The following CLTA variants were observed in gnomAD, a reference collection of about 807,000 sequenced individuals.
CLTA encodes the protein clathrin light chain A, also known as clathrin, light polypeptide (Lca).
Under a neutral mutation model 26.9 loss-of-function variants are expected in CLTA, and 9 were observed. The ratio of observed to expected loss-of-function variants is 0.33; its 90% CI spans 0.20 to 0.58. The LOEUF is 0.58. CLTA is among the 20% of genes least tolerant of loss of function. The probability of loss-of-function intolerance (pLI) is 0.85; values close to 1 mark genes in which losing one functional copy is unlikely to be tolerated. For synonymous variants in CLTA, 120 were observed against 115.5 expected (o/e 1.04, Z -0.25); for missense variants, 278 against 294.2 (o/e 0.94, Z 0.40).
At chr9:36,193,948 A>T (rs981653738) in intron 1 of CLTA, among the ~76,000 whole-genome samples, 3 of 152,186 alleles carry the variant, frequency 2.0e-5, no homozygotes, top group African/African-American at 2.4e-5. Flanking sequence ...GCTGTTGAAA[A>T]GCTCTCAATC....
At chr9:36,210,536 G>A (rs751999559) in intron 4 of CLTA, 9 of 1,601,760 alleles carry the variant, frequency 5.6e-6, no homozygotes, top group South Asian at 2.3e-5. Flanking sequence ...GGCATGTCCA[G>A]CTTACTGACC....
chr9:36,208,345 GC>G (rs1355519309), intron 4 of CLTA, among the ~76,000 whole-genome samples: 2 of 152,320 alleles, frequency 1.3e-5, no homozygotes, highest in Non-Finnish European at 2.9e-5. Flanking sequence ...CTGTCTGAGA[GC>G]CCTGCCATGT....
intron 1 of CLTA, among the ~76,000 whole-genome samples, chr9:36,196,678 T>C (rs1827065800): frequency 6.6e-6 from 1 of 152,148 alleles, no homozygotes; most frequent in Non-Finnish European, 1.5e-5. Context: ...CCAAGAAATT[T>C]ATTACAGAGG....
chr9:36,197,147 C>T (rs1266457631), intron 1 of CLTA, among the ~76,000 whole-genome samples: 1 of 152,194 alleles, frequency 6.6e-6, no homozygotes, highest in Non-Finnish European at 1.5e-5. Flanking sequence ...TTTGCTCCAG[C>T]CTGGGCGACA....
chr9:36,198,887 A>C (rs1827228210), intron 2 of CLTA, 92 bp from the exon 3 acceptor site: 3 of 838,466 alleles, frequency 3.6e-6, no homozygotes, highest in South Asian at 1.6e-5. Flanking sequence ...AAAAAAAAAA[A>C]AAAAACAGAA....
chr9:36,210,281 C>T (rs1404071779), intron 4 of CLTA, among the ~76,000 whole-genome samples: 1 of 152,128 alleles, frequency 6.6e-6, no homozygotes, highest in Non-Finnish European at 1.5e-5. Context: ...TCTGTAGAGC[C>T]TCTCAGGGCC....
intron 1 of CLTA, among the ~76,000 whole-genome samples, chr9:36,196,349 T>A (rs1185070588): frequency 6.0e-5 from 9 of 149,832 alleles, no homozygotes; most frequent in African/African-American, 1.5e-4. Context: ...TTTCTTTTTT[T>A]TTTTTTTTAT....
chr9:36,203,341 A>G (rs1563914177), intron 3 of CLTA, among the ~76,000 whole-genome samples: 1 of 152,114 alleles, frequency 6.6e-6, no homozygotes, highest in Non-Finnish European at 1.5e-5. Context: ...TACCCCCTGC[A>G]CTTCTCTCCA....
chr9:36,196,398 G>C (rs1304191602), intron 1 of CLTA, among the ~76,000 whole-genome samples: 2 of 145,944 alleles, frequency 1.4e-5, no homozygotes, highest in Non-Finnish European at 3.0e-5. Flanking sequence ...CCAGGCTGGA[G>C]TGCAGTGGCG....
At chr9:36,205,356 T>G (rs1447682433) in intron 4 of CLTA, among the ~76,000 whole-genome samples, 1 of 152,098 alleles carries the variant, frequency 6.6e-6, no homozygotes. Flanking sequence ...ATCAGCTACG[T>G]GGGGCTGTTG....
chr9:36,210,685 C>G (rs1028044584), intron 4 of CLTA: 1 of 1,613,912 alleles, frequency 6.2e-7, no homozygotes, highest in Non-Finnish European at 8.5e-7. Flanking sequence ...TCTCACTGCC[C>G]CTAACTGTGT....
At chr9:36,210,960 A>C (rs377482743) in intron 4 of CLTA, among the ~76,000 whole-genome samples, 2 of 152,142 alleles carry the variant, frequency 1.3e-5, no homozygotes, top group African/African-American at 4.8e-5. Flanking sequence ...CCAAAAAGCA[A>C]CTCACGTTGG....
intron 2 of CLTA, among the ~76,000 whole-genome samples, 167 bp from the exon 3 acceptor site, chr9:36,198,812 G>A (rs550631246): frequency 6.6e-6 from 1 of 150,402 alleles, no homozygotes; most frequent in South Asian, 2.1e-4. Context: ...GGTGGAGGTT[G>A]CAGTGAGCCG....
At chr9:36,209,161 CAG>C in intron 4 of CLTA, 1 of 1,398,878 alleles carries the variant, frequency 7.1e-7, no homozygotes, top group East Asian at 2.3e-5. Flanking sequence ...AGCAGCTCCT[CAG>C]AGCACAGTTG....
At chr9:36,198,158 G>A (rs921174520) in intron 2 of CLTA, among the ~76,000 whole-genome samples, 22 of 151,678 alleles carry the variant, frequency 1.5e-4, no homozygotes, top group African/African-American at 5.3e-4. Flanking sequence ...CACCACGCCC[G>A]GCTAATTTTT....
intron 1 of CLTA, 43 bp downstream of exon 1, chr9:36,191,316 A>G: frequency 6.8e-7 from 1 of 1,472,620 alleles, no homozygotes; most frequent in South Asian, 1.3e-5. Flanking sequence ...CTTGTCTGGA[A>G]ACTCGGTCCA....
chr9:36,206,751 T>A (rs1275177086), intron 4 of CLTA, among the ~76,000 whole-genome samples: 3 of 151,902 alleles, frequency 2.0e-5, no homozygotes, highest in Non-Finnish European at 4.4e-5. Flanking sequence ...GAAAATTAAC[T>A]GGGTGTGGTG....
rs1332842760 is a variant in CLTA at position 36,191,290 on chromosome 9, G to T, written c.217+17G>T. ...GGGGTCCGGGTGAGAGTGCGGGCGC[G>T]TTTGGGGCGAGAGGACTTGTCTGGA... On this transcript the variant is annotated intron_variant, in intron 1 of 4. Transcript: ENST00000345519. 1.4e-5 allele frequency: 21 copies of T among 1,497,740 alleles called. 1 individual carries two copies. The Admixed American group carries it at 3.3e-4, about 23-fold the overall frequency. 92.8% of individuals were successfully genotyped at this position (1,497,740 alleles called of 1,614,324 possible). A position where few individuals can be genotyped will look rare whatever the true frequency, so the allele number is the denominator to read the frequency against.
chr9:36,210,497 A>G, intron 4 of CLTA: 1 of 1,471,926 alleles, frequency 6.8e-7, no homozygotes, highest in Non-Finnish European at 9.2e-7. Flanking sequence ...AGCCAGCTGC[A>G]CGTCCCCAAG....
Sources: allele counts gnomAD v4.1 joint callset (sites outside exome capture counted in the v4.1 genomes callset), GRCh38; gene constraint gnomAD v4.1.1; transcripts MANE v1.5; gene names NCBI Gene and HGNC (gene_info 2026-07-23, HGNC 2026-07-21).